The following PBRM1 variants were observed in gnomAD, a reference collection of about 807,000 sequenced individuals.
PBRM1 encodes polybromo 1.
A neutral mutation model predicts 194.5 loss-of-function variants in PBRM1; 27 were observed. That is an observed-to-expected ratio of 0.14 (90% confidence interval 0.10 to 0.19). PBRM1 has a LOEUF of 0.19. PBRM1 is among the 10% of genes least tolerant of loss of function. The pLI is 1.00. For synonymous variants in PBRM1, 655 were observed against 693.2 expected, an observed-to-expected ratio of 0.94 and a Z score of 0.87; for missense variants, 1,466 against 2,077.2, an observed-to-expected ratio of 0.71 and a Z score of 5.72.
intron 27 of PBRM1, 57 bp downstream of exon 29, chr3:52,554,667 G>A: frequency 7.0e-7 from 1 of 1,434,850 alleles, no homozygotes; most frequent in Non-Finnish European, 9.3e-7. Context: ...CTGGTTGAAA[G>A]CGGAAAAAGA....
At chr3:52,617,159 A>C (rs1283352478) in intron 14 of PBRM1, 103 bp downstream of exon 16, 5 of 840,228 alleles carry the variant, frequency 6.0e-6, no homozygotes, top group Middle Eastern at 2.3e-4. Flanking sequence ...CAAAAAGAAT[A>C]ATCTAAGTTA....
intron 3 of PBRM1, among the ~76,000 whole-genome samples, chr3:52,663,605 T>TA (rs1198627327): frequency 2.0e-5 from 3 of 151,994 alleles, no homozygotes; most frequent in East Asian, 1.9e-4. Context: ...GAGTCCATAG[T>TA]AAAAAAATCA....
intron 10 of PBRM1, among the ~76,000 whole-genome samples, chr3:52,636,933 A>G (rs2095846482): frequency 6.6e-6 from 1 of 151,882 alleles, no homozygotes; most frequent in South Asian, 2.1e-4. Flanking sequence ...TAAAACCAAC[A>G]CACAAGATGG....
intron 20 of PBRM1, among the ~76,000 whole-genome samples, chr3:52,581,217 G>C (rs1275826339): frequency 6.6e-6 from 1 of 152,280 alleles, no homozygotes; most frequent in Non-Finnish European, 1.5e-5. Flanking sequence ...AAATGATTAA[G>C]AATGAGGGAA....
intron 2 of PBRM1, among the ~76,000 whole-genome samples, chr3:52,673,671 C>CAAAA (rs1324914906): frequency 1.0e-4 from 4 of 39,226 alleles, no homozygotes; most frequent in East Asian, 9.4e-4. Flanking sequence ...GACTCCATCT[C>CAAAA]AAAAAAAAAA....
chr3:52,554,442 T>G (rs1209776144), intron 27 of PBRM1, among the ~76,000 whole-genome samples: 1 of 152,228 alleles, frequency 6.6e-6, no homozygotes, highest in African/African-American at 2.4e-5. Context: ...TCAAATTAGT[T>G]GAGTGATTAT....
At chr3:52,587,648 G>T in intron 18 of PBRM1, 138 bp from the exon 21 acceptor site, 1 of 645,546 alleles carries the variant, frequency 1.5e-6, no homozygotes, top group Non-Finnish European at 2.6e-6. Flanking sequence ...GGGCCAAAGT[G>T]GTCCTCCAAC....
At chr3:52,658,247 T>C (rs2096646954) in exon 5 of PBRM1, 15 of 1,612,890 alleles carry the variant, frequency 9.3e-6, no homozygotes, top group Non-Finnish European at 1.1e-5. Flanking sequence ...GACGTCCTGA[T>C]GGATTTGTAG....
intron 17 of PBRM1, among the ~76,000 whole-genome samples, chr3:52,602,803 C>T (rs996861329): frequency 5.3e-5 from 8 of 152,312 alleles, no homozygotes; most frequent in Middle Eastern, 3.4e-3. Context: ...AACCAAGTCT[C>T]TTTCCCTTCT....
intron 17 of PBRM1, among the ~76,000 whole-genome samples, chr3:52,596,598 C>T (rs1013510206): frequency 5.3e-5 from 8 of 151,906 alleles, no homozygotes; most frequent in Non-Finnish European, 1.0e-4. Context: ...TTCAAGGCAG[C>T]GTGTTCCCTT....
At chr3:52,678,445 C>A (rs184655122) in intron 2 of PBRM1, 55 bp downstream of exon 3, 1 of 1,145,132 alleles carries the variant, frequency 8.7e-7, no homozygotes, top group African/African-American at 1.5e-5. Context: ...CACTTTAATA[C>A]ACATGGACTC....
chr3:52,567,581 A>AAG (rs3041414), intron 22 of PBRM1, among the ~76,000 whole-genome samples: 1 of 148,202 alleles, frequency 6.7e-6, no homozygotes, highest in Non-Finnish European at 1.5e-5. Flanking sequence ...AAAAAAAAAA[A>AAG]GAAAAAAGAA....
chr3:52,656,143 T>G (rs1053543021), intron 5 of PBRM1, among the ~76,000 whole-genome samples: 3 of 152,216 alleles, frequency 2.0e-5, no homozygotes, highest in African/African-American at 4.8e-5. Context: ...GTGAGTCAAA[T>G]CTATATGTTA....
intron 9 of PBRM1, among the ~76,000 whole-genome samples, chr3:52,642,790 T>A (rs2096149215): frequency 6.9e-6 from 1 of 145,950 alleles, no homozygotes; most frequent in African/African-American, 2.5e-5. Flanking sequence ...GTAATTCAAT[T>A]TTTTTTTTTT....
intron 2 of PBRM1, among the ~76,000 whole-genome samples, chr3:52,672,531 GT>G (rs2096972794): frequency 1.3e-5 from 1 of 77,100 alleles, no homozygotes; most frequent in African/African-American, 5.1e-5. Context: ...TTTCACTCTT[GT>G]TGCCCAGGCT....
chr3:52,636,077 T>C (rs188860476), intron 10 of PBRM1, among the ~76,000 whole-genome samples: 3 of 152,036 alleles, frequency 2.0e-5, no homozygotes, highest in Non-Finnish European at 4.4e-5. Context: ...TTCACCATAT[T>C]AGCCAGGATG....
At chr3:52,621,902 C>T (rs1039229413) in intron 13 of PBRM1, among the ~76,000 whole-genome samples, 1 of 151,922 alleles carries the variant, frequency 6.6e-6, no homozygotes, top group Non-Finnish European at 1.5e-5. Context: ...AAAGCGTAGT[C>T]AGGCATGGTG....
chr3:52,584,450 C>CTTTTTTTTTTTTTTT lies in PBRM1; in HGVS notation c.3387+1960_3387+1974dup. ...AATTATCTGCAGAAAAGTATTCTTGCTTTTTTTTTTTTTTTTTTTTTTTTT... is the reference window on the plus strand; with the variant it reads ...AATTATCTGCAGAAAAGTATTCTTGCTTTTTTTTTTTTTTTTTTTTTTTTTTTTTTTTTTTTTTTT... On this transcript the variant is annotated intron_variant, in intron 20 of 29. Transcript: ENST00000296302. Among the ~76,000 whole-genome samples the CTTTTTTTTTTTTTTT allele has an allele frequency of 1.1e-3, 65 of 60,750 alleles. 13 individuals are homozygous for CTTTTTTTTTTTTTTT. Among genetic ancestry groups the CTTTTTTTTTTTTTTT allele is most frequent in the African/African-American group, 4.3e-3 (56 of 12,930 alleles). 39.9% of individuals were successfully genotyped at this position (60,750 alleles called of 152,430 possible). A position where few individuals can be genotyped will look rare whatever the true frequency, so the allele number is the denominator to read the frequency against.
intron 22 of PBRM1, among the ~76,000 whole-genome samples, chr3:52,571,720 A>T (rs1394639890): frequency 6.6e-6 from 1 of 151,172 alleles, no homozygotes; most frequent in Non-Finnish European, 1.5e-5. Context: ...GGATACAGAT[A>T]CAGAAATAGA....
Sources: allele counts gnomAD v4.1 joint callset (sites outside exome capture counted in the v4.1 genomes callset), GRCh38; gene constraint gnomAD v4.1.1; transcripts MANE v1.5; gene names NCBI Gene and HGNC (gene_info 2026-07-23, HGNC 2026-07-21).